The following MBD2 variants were observed in gnomAD, a reference collection of about 807,000 sequenced individuals.
MBD2 encodes the protein methyl-CpG-binding domain protein 2.
MBD2 carries 9 observed loss-of-function variants against 39.3 expected under a neutral mutation model. The observed-to-expected ratio is 0.23, with a 90% confidence interval of 0.14 to 0.40. MBD2 has a LOEUF of 0.40. Ranked by LOEUF, MBD2 falls within the 10% of genes least tolerant of loss-of-function variation. The probability of loss-of-function intolerance (pLI) is 1.00; values close to 1 mark genes in which losing one functional copy is unlikely to be tolerated. For missense variants in MBD2, 458 were observed against 532.6 expected (o/e 0.86, Z 1.38); for synonymous variants, 233 against 211.1 (o/e 1.10, Z -0.90).
At chr18:54,206,193 A>C (rs759051900) in intron 1 of MBD2, among the ~76,000 whole-genome samples, 6 of 152,232 alleles carry the variant, frequency 3.9e-5, no homozygotes, top group Non-Finnish European at 8.8e-5. Context: ...ATGAAGAATA[A>C]TTTACTTCTT....
chr18:54,184,233 C>T (rs984441044), intron 3 of MBD2, among the ~76,000 whole-genome samples: 68 of 152,154 alleles, frequency 4.5e-4, no homozygotes, highest in Middle Eastern at 3.4e-3. Context: ...GGGAGCTGGG[C>T]GGCACAGCAG....
intron 1 of MBD2, among the ~76,000 whole-genome samples, chr18:54,207,269 G>A (rs2086458172): frequency 6.6e-6 from 1 of 152,128 alleles, no homozygotes; most frequent in Admixed American, 6.5e-5. Flanking sequence ...ATGGAAGGAG[G>A]AGCACAGCAA....
intron 2 of MBD2, among the ~76,000 whole-genome samples, chr18:54,199,106 A>G (rs2086387450): frequency 6.6e-6 from 1 of 152,194 alleles, no homozygotes; most frequent in African/African-American, 2.4e-5. Context: ...CCTTTTCATT[A>G]TGGGCCCAAA....
chr18:54,184,366 T>C (rs2144306095), intron 3 of MBD2, among the ~76,000 whole-genome samples: 1 of 152,186 alleles, frequency 6.6e-6, no homozygotes, highest in Admixed American at 6.5e-5. Context: ...ATGCTCCTTA[T>C]AAAAATCTAA....
At chr18:54,202,428 GCTTT>G (rs2086415260) in intron 2 of MBD2, among the ~76,000 whole-genome samples, 1 of 152,114 alleles carries the variant, frequency 6.6e-6, no homozygotes, top group Admixed American at 6.5e-5. Context: ...AAAGCTCTTA[GCTTT>G]CTTTACACTG....
chr18:54,171,685 T>C (rs1397165662), intron 3 of MBD2, among the ~76,000 whole-genome samples: 2 of 152,190 alleles, frequency 1.3e-5, no homozygotes, highest in African/African-American at 4.8e-5. Flanking sequence ...ACTGTCTTGA[T>C]GAAATAGGGA....
chr18:54,190,691 A>G (rs2086314401), intron 2 of MBD2, among the ~76,000 whole-genome samples: 1 of 152,242 alleles, frequency 6.6e-6, no homozygotes, highest in Non-Finnish European at 1.5e-5. Flanking sequence ...TACATCAATT[A>G]GCCTAGAGTA....
At chr18:54,193,294 T>C (rs915765233) in intron 2 of MBD2, among the ~76,000 whole-genome samples, 1 of 152,340 alleles carries the variant, frequency 6.6e-6, no homozygotes. Flanking sequence ...TTTATGTATA[T>C]GCAATCTTCT....
rs768533356 is a variant in MBD2, at chr18:54,159,842, T to G, written c.1171A>C (p.Ile391Leu). 5.6e-6 allele frequency: 9 copies of G among 1,612,988 alleles called. No individual in the cohort carries two copies. The South Asian group carries it at 8.8e-5, about 16-fold the overall frequency. ...TCTGTATCAGCAGCTCGCGACAAGA[T>G]GTCTGCCATCAGTGCTTCTTCCAAT... Reference protein sequence around the residue: ...KKLEEALMADILSRAADTEEM... With the variant: ...KKLEEALMADLLSRAADTEEM... Residue 391 changes from isoleucine (I) to leucine (L), a missense_variant, in exon 6 of 7, where the codon ATC becomes CTC. Ile to Leu is a conservative substitution (Grantham distance 5, BLOSUM62 2). Coordinates refer to ENST00000256429, the MANE Select transcript of MBD2 (RefSeq NM_003927.5).
At position 54,205,011 on chromosome 18, in the gene MBD2, A is replaced by G. The variant is rs1322499665; in HGVS notation, c.689T>C (p.Leu230Pro). 1 of 1,613,430 alleles carries G rather than the reference A, an allele frequency of 6.2e-7. No individual in the cohort carries two copies. ...AAATTAACCAACCTTATTTTGATTGAGAGGATCGTTTCGCAGTCTCTGTTT... is the reference window on the plus strand; with the variant it reads ...AAATTAACCAACCTTATTTTGATTGGGAGGATCGTTTCGCAGTCTCTGTTT... ...KNKQRLRNDPLNQNKGKPDLN... is the reference protein window; with the variant it reads ...KNKQRLRNDPPNQNKGKPDLN... Residue 230 changes from leucine (L) to proline (P), a missense_variant, in exon 2 of 7, where the codon CTC (leucine) becomes CCC (proline). Physicochemically the swap from Leu to Pro is moderately conservative, Grantham distance 98. Coordinates refer to ENST00000256429, the MANE Select transcript of MBD2 (RefSeq NM_003927.5).
intron 6 of MBD2, among the ~76,000 whole-genome samples, chr18:54,157,641 T>C (rs947408881): frequency 6.6e-6 from 1 of 152,182 alleles, no homozygotes; most frequent in Non-Finnish European, 1.5e-5. Context: ...TAAGACATTA[T>C]ATGTATTATT....
intron 2 of MBD2, among the ~76,000 whole-genome samples, chr18:54,197,432 ATCCT>A (rs1165846662): frequency 6.6e-6 from 1 of 152,232 alleles, no homozygotes; most frequent in Non-Finnish European, 1.5e-5. Context: ...TGATGAGTGC[ATCCT>A]TCCTTAGGGA....
At chr18:54,177,653 T>C (rs3017287) in intron 3 of MBD2, among the ~76,000 whole-genome samples, 1 of 151,888 alleles carries the variant, frequency 6.6e-6, no homozygotes, top group Admixed American at 6.6e-5. Context: ...GCTAATTTTT[T>C]GTAATTTTAG....
At chr18:54,186,329 G>A (rs567579719) in intron 3 of MBD2, among the ~76,000 whole-genome samples, 55 of 152,154 alleles carry the variant, frequency 3.6e-4, no homozygotes, top group African/African-American at 1.3e-3. Context: ...TGGAATATTT[G>A]GCAATTTATA....
intron 1 of MBD2, among the ~76,000 whole-genome samples, chr18:54,215,709 TG>T (rs2086552797): frequency 6.6e-6 from 1 of 152,038 alleles, no homozygotes. Flanking sequence ...TTGGTCAGGC[TG>T]GTCTCGACCT....
chr18:54,168,595 A>T (rs1467849301), intron 3 of MBD2, among the ~76,000 whole-genome samples: 3 of 139,678 alleles, frequency 2.1e-5, no homozygotes, highest in African/African-American at 5.6e-5. Flanking sequence ...ATATATATAT[A>T]TATTTATGTA....
intron 5 of MBD2, 33 bp downstream of exon 5, chr18:54,164,490 C>G: frequency 6.3e-7 from 1 of 1,577,884 alleles, no homozygotes; most frequent in East Asian, 2.3e-5. Context: ...ACGTAAAAAC[C>G]CAAGTTTATG....
At chr18:54,204,207 G>A (rs1020915698) in intron 2 of MBD2, among the ~76,000 whole-genome samples, 1 of 152,200 alleles carries the variant, frequency 6.6e-6, no homozygotes, top group African/African-American at 2.4e-5. Flanking sequence ...GAAGACAATG[G>A]TGGTGGCAAT....
chr18:54,172,895 A>C lies in MBD2; in HGVS notation c.841-6729T>G, dbSNP rs1193530574. The stretch of plus-strand genomic sequence containing the variant: ...GCAATCTCAAAGGGTTATGGGAACA[A>C]AATGAGGAAGCGTTATAAACACTTG... On this transcript the variant is annotated intron_variant, in intron 3 of 6. Transcript: ENST00000256429. Among the ~76,000 whole-genome samples, 3 of 152,366 alleles carry C rather than the reference A, an allele frequency of 2.0e-5. No individual in the cohort carries two copies. The East Asian group carries it at 5.8e-4, about 29-fold the overall frequency.
Sources: gnomAD v4.1 joint callset for allele counts (sites outside exome capture counted in the v4.1 genomes callset) on GRCh38, gnomAD v4.1.1 for gene constraint, MANE v1.5 for transcripts, NCBI Gene and HGNC (gene_info 2026-07-23, HGNC 2026-07-21) for gene names.